The following CORIN variants were observed in gnomAD, a reference collection of about 807,000 sequenced individuals.
The protein encoded by CORIN is corin, serine peptidase.
A neutral mutation model predicts 125.3 loss-of-function variants in CORIN; 117 were observed. The observed-to-expected ratio is 0.93, with a 90% confidence interval of 0.80 to 1.09. The LOEUF (loss-of-function observed/expected upper bound fraction) is 1.09. CORIN is among the 50% of genes least tolerant of loss of function. The probability of loss-of-function intolerance (pLI) is 0.00; values close to 1 mark genes in which losing one functional copy is unlikely to be tolerated. For missense variants in CORIN, 1,253 were observed against 1,306.7 expected (o/e 0.96, Z 0.63); for synonymous variants, 450 against 466.4 (o/e 0.96, Z 0.45).
intron 5 of CORIN, among the ~76,000 whole-genome samples, chr4:47,727,050 A>G (rs1727624255): frequency 1.3e-5 from 2 of 152,044 alleles, no homozygotes; most frequent in Admixed American, 1.3e-4. Flanking sequence ...GAGACCATGC[A>G]TGGCTTTACT....
chr4:47,802,573 C>A (rs1347296092), intron 2 of CORIN, among the ~76,000 whole-genome samples: 1 of 152,038 alleles, frequency 6.6e-6, no homozygotes, highest in African/African-American at 2.4e-5. Context: ...TCTTGTGGTT[C>A]GAGTACCAGC....
chr4:47,785,192 A>T (rs1241431946), intron 3 of CORIN, among the ~76,000 whole-genome samples: 2 of 152,218 alleles, frequency 1.3e-5, no homozygotes, highest in Non-Finnish European at 2.9e-5. Context: ...GAGCCAAGAC[A>T]ACTATGGAGA....
At chr4:47,768,381 AT>A (rs1345536096) in intron 3 of CORIN, among the ~76,000 whole-genome samples, 1 of 152,238 alleles carries the variant, frequency 6.6e-6, no homozygotes, top group Non-Finnish European at 1.5e-5. Context: ...CGTCTTCACT[AT>A]TAATTCCACA....
intron 2 of CORIN, among the ~76,000 whole-genome samples, chr4:47,802,488 G>T (rs766445864): frequency 1.1e-4 from 16 of 152,172 alleles, no homozygotes; most frequent in South Asian, 4.1e-4. Flanking sequence ...GCCCCCATGG[G>T]TTGGTGGTTG....
chr4:47,811,752 T>C (rs1013078326), intron 1 of CORIN, among the ~76,000 whole-genome samples: 1 of 152,230 alleles, frequency 6.6e-6, no homozygotes, highest in African/African-American at 2.4e-5. Context: ...AACTAGTCTA[T>C]GGACCAAACT....
At chr4:47,773,531 T>C (rs1484406119) in intron 3 of CORIN, among the ~76,000 whole-genome samples, 1 of 152,208 alleles carries the variant, frequency 6.6e-6, no homozygotes, top group Non-Finnish European at 1.5e-5. Context: ...TAAATAACGC[T>C]CTCTAATTCA....
intron 2 of CORIN, among the ~76,000 whole-genome samples, chr4:47,802,347 T>C (rs1018232544): frequency 2.0e-5 from 3 of 152,118 alleles, no homozygotes; most frequent in Admixed American, 2.0e-4. Flanking sequence ...TGGTTAGCAT[T>C]TCTGGACCTG....
chr4:47,677,240 A>T (rs150984606), intron 9 of CORIN, among the ~76,000 whole-genome samples: 324 of 152,316 alleles, frequency 2.1e-3, no homozygotes, highest in African/African-American at 7.6e-3. Flanking sequence ...TATCTTGCCA[A>T]AAGTCACCAT....
intron 16 of CORIN, among the ~76,000 whole-genome samples, chr4:47,639,017 A>C (rs545076566): frequency 2.0e-4 from 31 of 152,330 alleles, no homozygotes; most frequent in African/African-American, 7.0e-4. Flanking sequence ...CTCTATCATG[A>C]AAGCATTTCA....
At chr4:47,792,364 T>G (rs1425754611) in intron 2 of CORIN, among the ~76,000 whole-genome samples, 1 of 152,202 alleles carries the variant, frequency 6.6e-6, no homozygotes, top group African/African-American at 2.4e-5. Context: ...CATATTAGAA[T>G]GATCACTTTG....
intron 11 of CORIN, among the ~76,000 whole-genome samples, chr4:47,663,443 A>T (rs1724339760): frequency 6.6e-6 from 1 of 152,166 alleles, no homozygotes; most frequent in Admixed American, 6.6e-5. Context: ...TCAAAATATA[A>T]AATTCGTAGT....
At chr4:47,725,877 G>T (rs1170874913) in intron 5 of CORIN, among the ~76,000 whole-genome samples, 1 of 151,806 alleles carries the variant, frequency 6.6e-6, no homozygotes, top group African/African-American at 2.4e-5. Context: ...AATATATAAA[G>T]AACTCTCAAA....
intron 1 of CORIN, among the ~76,000 whole-genome samples, chr4:47,811,951 T>C (rs1241007480): frequency 1.3e-5 from 2 of 152,224 alleles, no homozygotes; most frequent in Admixed American, 6.5e-5. Flanking sequence ...GAGCCCCTGA[T>C]GTAGTGTATC....
intron 1 of CORIN, 68 bp downstream of exon 1, chr4:47,837,819 C>A: frequency 1.4e-6 from 2 of 1,402,374 alleles, no homozygotes; most frequent in South Asian, 1.2e-5. Flanking sequence ...AGGGGCTGAC[C>A]CTGAATTCAC....
chr4:47,714,372 T>G (rs1726995785), intron 5 of CORIN, among the ~76,000 whole-genome samples: 1 of 152,216 alleles, frequency 6.6e-6, no homozygotes, highest in Admixed American at 6.5e-5. Context: ...TAAGATTCAT[T>G]AGATTTCTGG....
At chr4:47,704,126 G>A (rs915931600) in intron 5 of CORIN, among the ~76,000 whole-genome samples, 5 of 152,054 alleles carry the variant, frequency 3.3e-5, no homozygotes, top group South Asian at 2.1e-4. Context: ...TTCTACTACC[G>A]CATGCCTTTC....
At chr4:47,761,843 C>T (rs1313073434) in intron 4 of CORIN, among the ~76,000 whole-genome samples, 10 of 151,972 alleles carry the variant, frequency 6.6e-5, no homozygotes. Context: ...ATATTGTATT[C>T]TTAGCTGGTC....
At chr4:47,655,119 TTAG>T in intron 12 of CORIN, among the ~76,000 whole-genome samples, 1 of 152,086 alleles carries the variant, frequency 6.6e-6, no homozygotes, top group African/African-American at 2.4e-5. Context: ...CCTGGCAGCA[TTAG>T]TTACCAGCTG....
At chr4:47,649,788 T>G (rs1453691377) in intron 13 of CORIN, among the ~76,000 whole-genome samples, 2 of 152,146 alleles carry the variant, frequency 1.3e-5, no homozygotes, top group East Asian at 3.9e-4. Flanking sequence ...ACATGGAAAA[T>G]TAAACCCTAC....
Sources: gnomAD v4.1 joint callset for allele counts (sites outside exome capture counted in the v4.1 genomes callset) on GRCh38, gnomAD v4.1.1 for gene constraint, MANE v1.5 for transcripts, NCBI Gene and HGNC (gene_info 2026-07-23, HGNC 2026-07-21) for gene names.